Variants in LRRC7 observed in about 807,000 individuals in gnomAD.
LRRC7 encodes the protein leucine-rich repeat-containing protein 7.
In LRRC7, 23 loss-of-function variants were observed where a neutral mutation model predicts 175.7. The ratio of observed to expected loss-of-function variants is 0.13; its 90% CI spans 0.09 to 0.19. LRRC7 has a LOEUF of 0.19. LRRC7 is among the 10% of genes least tolerant of loss of function. LRRC7 has a pLI of 1.00. For synonymous variants in LRRC7, 685 were observed against 680.9 expected (o/e 1.01, Z -0.09); for missense variants, 1,354 against 1,904.7 (o/e 0.71, Z 5.38).
intron 24 of LRRC7, among the ~76,000 whole-genome samples, chr1:70,078,488 C>T (rs915502792): frequency 6.6e-6 from 1 of 152,122 alleles, no homozygotes; most frequent in African/African-American, 2.4e-5. Flanking sequence ...CAAACCCCAA[C>T]CAGCTGTTTA....
intron 11 of LRRC7, among the ~76,000 whole-genome samples, chr1:69,998,006 A>T (rs1204061370): frequency 2.0e-5 from 3 of 152,142 alleles, no homozygotes; most frequent in African/African-American, 7.2e-5. Flanking sequence ...CTCTGGTAGA[A>T]TTCGGCTGTG....
In LRRC7 at chr1:69,825,771, A is replaced by G. The variant is rs1243897761; in HGVS notation, c.445A>G (p.Ile149Val). ...KNGVQEFPEN[I>V]KCCKCLTIIE... is the part of the protein sequence containing the mutation. ...AGGTGTACAAGAATTTCCAGAAAAC[A>G]TAAAGTGCTGTAAGTGTTTAACAAT... is the stretch of plus-strand genomic sequence containing the variant. The change falls in exon 5 of 27, where the codon ATA becomes GTA. Residue 149 changes from isoleucine (I) to valine (V), a missense_variant. By Grantham distance (29) the Ile-to-Val change is conservative. Coordinates refer to ENST00000651989, the MANE Select transcript of LRRC7 (RefSeq NM_001370785.2). 1 of 1,605,820 alleles carries G rather than the reference A, an allele frequency of 6.2e-7. No individual in the cohort carries two copies. The highest frequency in any genetic ancestry group is 1.7e-5 in the Admixed American group (1 of 59,338).
intron 3 of LRRC7, among the ~76,000 whole-genome samples, chr1:69,771,644 A>G (rs756861147): frequency 1.4e-4 from 22 of 152,196 alleles, no homozygotes; most frequent in Non-Finnish European, 1.2e-4. Flanking sequence ...TTGTTTGTTC[A>G]TTCAGCAAGC....
chr1:69,882,031 C>G (rs902909556), intron 7 of LRRC7, among the ~76,000 whole-genome samples: 4 of 104,174 alleles, frequency 3.8e-5, no homozygotes, highest in African/African-American at 1.1e-4. Flanking sequence ...AAAAAGCAAA[C>G]AAAAAATAAC....
chr1:70,121,472 C>T (rs934972202), intron 26 of LRRC7, among the ~76,000 whole-genome samples: 3 of 151,932 alleles, frequency 2.0e-5, no homozygotes, highest in Non-Finnish European at 4.4e-5. Context: ...CCTGCAAAAA[C>T]AAATCAGGAC....
chr1:69,871,832 T>C (rs1685580433), intron 7 of LRRC7, among the ~76,000 whole-genome samples: 1 of 152,010 alleles, frequency 6.6e-6, no homozygotes, highest in Admixed American at 6.6e-5. Flanking sequence ...TAAGTAATTT[T>C]TGTTCAAATA....
intron 4 of LRRC7, among the ~76,000 whole-genome samples, chr1:69,799,387 T>G (rs968232349): frequency 9.2e-5 from 14 of 152,080 alleles, no homozygotes; most frequent in African/African-American, 3.4e-4. Flanking sequence ...GAGTCTTCTA[T>G]GTCTATTAAT....
chr1:69,731,297 C>G (rs1667554333), intron 2 of LRRC7, among the ~76,000 whole-genome samples: 1 of 151,854 alleles, frequency 6.6e-6, no homozygotes, highest in African/African-American at 2.4e-5. Context: ...CCCCCACCCC[C>G]AAAAAAACCA....
intron 1 of LRRC7, among the ~76,000 whole-genome samples, chr1:69,655,403 G>A (rs955096730): frequency 2.0e-5 from 3 of 150,288 alleles, no homozygotes; most frequent in Non-Finnish European, 1.5e-5. Context: ...TCCTGTTGTT[G>A]TGTGCATGTT....
At chr1:69,882,000 G>A (rs1308232632) in intron 7 of LRRC7, among the ~76,000 whole-genome samples, 2 of 133,622 alleles carry the variant, frequency 1.5e-5, no homozygotes, top group African/African-American at 2.8e-5. Context: ...GAGTTCATAC[G>A]ACTGAATAGC....
chr1:69,642,659 T>C (rs993983439), intron 1 of LRRC7, among the ~76,000 whole-genome samples: 1 of 152,086 alleles, frequency 6.6e-6, no homozygotes, highest in African/African-American at 2.4e-5. Flanking sequence ...GATAAAATCA[T>C]GCCAGTTAAA....
At chr1:70,028,084 T>C in intron 17 of LRRC7, 87 bp from the exon 18 acceptor site, 1 of 1,134,892 alleles carries the variant, frequency 8.8e-7, no homozygotes, top group Non-Finnish European at 1.3e-6. Flanking sequence ...TGCATTTGAT[T>C]ATACTACTGA....
In LRRC7 at chr1:70,053,075, C is replaced by A; in HGVS notation, c.4160C>A (p.Ser1387Tyr). 1.2e-6 allele frequency: 2 copies of A among 1,611,594 alleles called. No individual in the cohort carries two copies. The highest frequency in any genetic ancestry group is 1.7e-6 in the Non-Finnish European group (2 of 1,178,694). ...TTAGACAATGGACAAGAAGATGTAT[C>A]TCCTAGTGGCCAATGGAATCCTTAT... ...NILDNGQEDV[S>Y]PSGQWNPYPL... Residue 1387 changes from serine to tyrosine, a missense_variant, in exon 23 of 27, where the codon TCT (serine) becomes TAT (tyrosine). This residue lies in a region of LRRC7 where 1,032 missense variants were observed against 1,227.2 expected (regional missense o/e 0.84). Transcript: ENST00000651989.
At chr1:69,741,772 T>C (rs1270590091) in intron 2 of LRRC7, among the ~76,000 whole-genome samples, 1 of 152,054 alleles carries the variant, frequency 6.6e-6, no homozygotes, top group Non-Finnish European at 1.5e-5. Context: ...TTTTTTGCTG[T>C]GTTCACTCCT....
chr1:70,124,902 G>T lies in LRRC7; in HGVS notation c.*3015G>T, dbSNP rs181701636. ...GATAAGTCAGTAAGATCTAATGGAG[G>T]AGACTGAGAAACATTAGAGGTAGAA... is the stretch of plus-strand genomic sequence containing the variant. On this transcript the variant is annotated 3_prime_UTR_variant, in exon 27 of 27. Transcript: ENST00000651989. 6.6e-6 allele frequency among the ~76,000 whole-genome samples: 1 copy of T among 152,170 alleles called. No individual in the cohort carries two copies. The highest frequency in any genetic ancestry group is 2.4e-5 in the African/African-American group (1 of 41,440).
rs976739887 is a variant in LRRC7 at position 70,039,791 on chromosome 1, A to G, written c.3967A>G (p.Arg1323Gly). ...LRHIEARRLD[R>G]NAAYKHNTVN... ...ACATATAGAAGCTAGACGGTTAGAC[A>G]GGGTATGTCTGGTGTTTCTCTGTAA... Residue 1323 changes from arginine (R) to glycine (G), a missense_variant and splice_region_variant, in exon 21 of 27, where the codon AGG becomes GGG. Transcript: ENST00000651989. 10 of 1,575,402 alleles carry G rather than the reference A, an allele frequency of 6.3e-6. No homozygotes were observed. The highest frequency in any genetic ancestry group is 7.7e-6 in the Non-Finnish European group (9 of 1,164,538).
chr1:69,589,118 GTGTGT>G (rs1646525288), intron 1 of LRRC7, among the ~76,000 whole-genome samples: 7 of 14,114 alleles, frequency 5.0e-4, no homozygotes, highest in East Asian at 3.2e-3. Context: ...TAAAAAGGGT[GTGTGT>G]GTGTGTGTGT....
chr1:69,643,915 G>A (rs1429814797), intron 1 of LRRC7, among the ~76,000 whole-genome samples: 2 of 151,866 alleles, frequency 1.3e-5, no homozygotes, highest in Middle Eastern at 3.4e-3. Context: ...ATTAAACAAC[G>A]TATTTAAAAA....
chr1:69,904,316 T>C (rs1395316691), intron 7 of LRRC7, among the ~76,000 whole-genome samples: 1 of 152,112 alleles, frequency 6.6e-6, no homozygotes, highest in Admixed American at 6.6e-5. Flanking sequence ...AGAAGAATAC[T>C]AATTTGAAAA....
Sources: gnomAD v4.1 joint callset for allele counts (sites outside exome capture counted in the v4.1 genomes callset) on GRCh38, gnomAD v4.1.1 for gene constraint, gnomAD v4.1.1 regional missense constraint, MANE v1.5 for transcripts, NCBI Gene and HGNC (gene_info 2026-07-23, HGNC 2026-07-21) for gene names.